Variants in PLEKHG1 observed in about 807,000 individuals in gnomAD.
The protein encoded by PLEKHG1 is pleckstrin homology and RhoGEF domain containing G1, also known as pleckstrin homology domain-containing family G member 1.
In PLEKHG1, 44 loss-of-function variants were observed where a neutral mutation model predicts 100.8. The ratio of observed to expected loss-of-function variants is 0.44; its 90% CI spans 0.34 to 0.56. PLEKHG1 has a LOEUF of 0.56. Ranked by LOEUF, PLEKHG1 falls within the 20% of genes least tolerant of loss-of-function variation. The pLI is 0.01. For missense variants in PLEKHG1, 1,545 were observed against 1,720.9 expected (o/e 0.90, Z 1.81); for synonymous variants, 640 against 662.5 (o/e 0.97, Z 0.52).
chr6:150,634,447 T>C (rs1463699728), intron 1 of PLEKHG1, among the ~76,000 whole-genome samples: 1 of 152,134 alleles, frequency 6.6e-6, no homozygotes, highest in Non-Finnish European at 1.5e-5. Flanking sequence ...AGGCACATAG[T>C]ATGCCCTCAG....
chr6:150,657,391 T>A (rs1172230400), intron 3 of PLEKHG1, among the ~76,000 whole-genome samples: 1 of 152,208 alleles, frequency 6.6e-6, no homozygotes, highest in Non-Finnish European at 1.5e-5. Context: ...TCAGAAGCAA[T>A]GGGCTTCGCT....
chr6:150,675,530 C>G (rs1226777456), intron 3 of PLEKHG1, among the ~76,000 whole-genome samples: 1 of 152,220 alleles, frequency 6.6e-6, no homozygotes, highest in African/African-American at 2.4e-5. Context: ...GTCTTTTATC[C>G]CCTTCCTAAG....
chr6:150,800,540 T>C (rs2128662862), intron 5 of PLEKHG1, among the ~76,000 whole-genome samples, 179 bp from the exon 7 acceptor site: 1 of 152,326 alleles, frequency 6.6e-6, no homozygotes, highest in East Asian at 1.9e-4. Context: ...GGTGCCTTTT[T>C]CTAATTCACC....
chr6:150,817,596 C>T (rs183593756), intron 10 of PLEKHG1, among the ~76,000 whole-genome samples: 8 of 140,242 alleles, frequency 5.7e-5, no homozygotes, highest in East Asian at 4.2e-4. Flanking sequence ...CTTGCTCTGT[C>T]GCCCAGGCTA....
chr6:150,814,346 G>A (rs1386125119), intron 10 of PLEKHG1, among the ~76,000 whole-genome samples: 3 of 152,206 alleles, frequency 2.0e-5, no homozygotes, highest in African/African-American at 7.2e-5. Context: ...TTTCTCCCAC[G>A]CTAGGCGTGT....
At chr6:150,624,271 C>T (rs1015883755) in intron 1 of PLEKHG1, among the ~76,000 whole-genome samples, 7 of 152,136 alleles carry the variant, frequency 4.6e-5, no homozygotes, top group South Asian at 2.1e-4. Flanking sequence ...CTGCTGCCTT[C>T]GCTCAGGGGC....
intron 2 of PLEKHG1, among the ~76,000 whole-genome samples, chr6:150,766,071 C>T (rs2128638022): frequency 6.6e-6 from 1 of 152,272 alleles, no homozygotes; most frequent in Non-Finnish European, 1.5e-5. Context: ...TGGTAGAGAT[C>T]TTAAGGACAT....
intron 1 of PLEKHG1, among the ~76,000 whole-genome samples, chr6:150,620,233 G>T (rs188514841): frequency 7.7e-4 from 118 of 152,320 alleles, no homozygotes; most frequent in Admixed American, 2.3e-3. Context: ...CGGTTTGATT[G>T]TTAGAAATAA....
chr6:150,650,056 CT>C (rs1444384029), intron 2 of PLEKHG1, among the ~76,000 whole-genome samples: 1 of 28,724 alleles, frequency 3.5e-5, no homozygotes, highest in African/African-American at 1.7e-4. Context: ...AAAACTTTGT[CT>C]CAAAAAAAAA....
In PLEKHG1 at chr6:150,625,570, G is replaced by A. The variant is rs375953294; in HGVS notation, c.-203-12510G>A. Among the ~76,000 whole-genome samples the A allele has an allele frequency of 2.3e-4, 35 of 152,148 alleles. No homozygotes were observed. In the East Asian group the frequency reaches 4.3e-3, roughly 18 times the overall value. On this transcript the variant is annotated intron_variant, in intron 1 of 3. Transcript: ENST00000367326. ...TGCAGTGGTGCAATCTTGGCTCACT[G>A]CAACCTCTGCCTCCTGGGTTCAAGT...
chr6:150,799,621 C>T (rs79078786), intron 5 of PLEKHG1, among the ~76,000 whole-genome samples: 3,037 of 152,258 alleles, frequency 0.02, 48 homozygotes, highest in Non-Finnish European at 0.031. Context: ...AGAAATGTTC[C>T]TAGGTTACAT....
At chr6:150,622,939 T>C (rs1445208916) in intron 1 of PLEKHG1, among the ~76,000 whole-genome samples, 1 of 152,058 alleles carries the variant, frequency 6.6e-6, no homozygotes, top group African/African-American at 2.4e-5. Flanking sequence ...GTCAACTGCA[T>C]TGTTTGAGCC....
chr6:150,717,992 C>T (rs1032292496), upstream of PLEKHG1, among the ~76,000 whole-genome samples: 5 of 152,096 alleles, frequency 3.3e-5, no homozygotes, highest in African/African-American at 1.2e-4. Context: ...GTGGCAGGAT[C>T]GCTTGAACCT....
intron 3 of PLEKHG1, among the ~76,000 whole-genome samples, chr6:150,652,735 AG>A (rs1778803155): frequency 6.6e-6 from 1 of 151,684 alleles, no homozygotes; most frequent in Admixed American, 6.6e-5. Flanking sequence ...AAAAAAAAAA[AG>A]AAAAAAGGAA....
chr6:150,603,770 A>T (rs887685029), intron 1 of PLEKHG1, among the ~76,000 whole-genome samples: 2 of 152,164 alleles, frequency 1.3e-5, no homozygotes, highest in Admixed American at 1.3e-4. Flanking sequence ...TAAATATTGA[A>T]TTACCGTTTG....
chr6:150,618,812 G>A (rs1191608618), intron 1 of PLEKHG1, among the ~76,000 whole-genome samples: 4 of 152,198 alleles, frequency 2.6e-5, no homozygotes, highest in African/African-American at 9.7e-5. Flanking sequence ...AAAACAGGCT[G>A]GATGCTCAAA....
intron 1 of PLEKHG1, among the ~76,000 whole-genome samples, chr6:150,610,632 AAG>A (rs1328705312): frequency 2.0e-5 from 3 of 152,264 alleles, no homozygotes; most frequent in Non-Finnish European, 1.5e-5. Flanking sequence ...AAGGAAAAAA[AAG>A]AGCAGGAAAA....
chr6:150,620,502 T>A (rs1186363931), intron 1 of PLEKHG1, among the ~76,000 whole-genome samples: 1 of 152,220 alleles, frequency 6.6e-6, no homozygotes, highest in African/African-American at 2.4e-5. Flanking sequence ...ATGTAAACAC[T>A]GTCACTCCCT....
intron 3 of PLEKHG1, among the ~76,000 whole-genome samples, chr6:150,711,251 T>C (rs6557083): frequency 0.91 from 137,923 of 152,204 alleles, 62,583 homozygotes; most frequent in East Asian, 0.93. Flanking sequence ...CGCTCTACCC[T>C]ATGCGCCCCA....
Sources: gnomAD v4.1 joint callset for allele counts (sites outside exome capture counted in the v4.1 genomes callset) on GRCh38, gnomAD v4.1.1 for gene constraint, MANE v1.5 for transcripts, NCBI Gene and HGNC (gene_info 2026-07-23, HGNC 2026-07-21) for gene names.